The following PRIM2 variants were observed in gnomAD, a reference collection of about 807,000 sequenced individuals.
PRIM2 encodes DNA primase large subunit.
PRIM2 carries 39 observed loss-of-function variants against 67.3 expected under a neutral mutation model. That is an observed-to-expected ratio of 0.58 (90% CI 0.45 to 0.76). The LOEUF (loss-of-function observed/expected upper bound fraction) is 0.76, where lower values mean the gene tolerates loss of function less well. Among genes scored for constraint, PRIM2 ranks in the 30% least tolerant of loss-of-function variants. The probability of loss-of-function intolerance (pLI) is 0.00; values close to 1 mark genes in which losing one functional copy is unlikely to be tolerated. For missense variants in PRIM2, 398 were observed against 598.7 expected, an observed-to-expected ratio of 0.66 and a Z score of 3.50; for synonymous variants, 143 against 198.7, an observed-to-expected ratio of 0.72 and a Z score of 2.36.
the PRIM2 span, among the ~76,000 whole-genome samples, chr6:57,289,251 G>A: frequency 6.6e-6 from 1 of 152,110 alleles, no homozygotes. Flanking sequence ...GAGAAGATTA[G>A]AGAAAAAAGA....
At chr6:57,529,167 G>A (rs1774831262) in intron 8 of PRIM2, among the ~76,000 whole-genome samples, 2 of 152,180 alleles carry the variant, frequency 1.3e-5, no homozygotes, top group South Asian at 2.1e-4. Context: ...AAAATTAGCC[G>A]GTCGTGGTGG....
chr6:57,420,266 A>C (rs1771422835), intron 7 of PRIM2, among the ~76,000 whole-genome samples: 1 of 152,156 alleles, frequency 6.6e-6, no homozygotes, highest in African/African-American at 2.4e-5. Context: ...GCACTTTGGG[A>C]GGCCAAGGCG....
At chr6:57,265,856 A>G in the PRIM2 span, among the ~76,000 whole-genome samples, 1 of 152,146 alleles carries the variant, frequency 6.6e-6, no homozygotes, top group Non-Finnish European at 1.5e-5. Context: ...TTTTTCCTCA[A>G]TTGACTTTCC....
intron 7 of PRIM2, among the ~76,000 whole-genome samples, chr6:57,462,322 T>G (rs1273773710): frequency 6.6e-6 from 1 of 151,988 alleles, no homozygotes. Context: ...GAATAATTTG[T>G]TAGCATTTTC....
At chr6:57,275,769 T>C in the PRIM2 span, among the ~76,000 whole-genome samples, 2 of 152,238 alleles carry the variant, frequency 1.3e-5, no homozygotes, top group Non-Finnish European at 2.9e-5. Context: ...GTGCTGGCTC[T>C]GTTGGAGTCC....
upstream of PRIM2, among the ~76,000 whole-genome samples, chr6:57,311,025 G>A (rs1767372496): frequency 6.7e-6 from 1 of 149,278 alleles, no homozygotes; most frequent in Non-Finnish European, 1.5e-5. Flanking sequence ...AGGCGGCCGG[G>A]CAGAGACACC....
In PRIM2 at chr6:57,374,812, C is replaced by T. The variant is rs144239930; in HGVS notation, c.460-5089C>T. On this transcript the variant is annotated intron_variant, in intron 5 of 13. Transcript: ENST00000615550. ...CGCCGTGTTGGGCAGTCATGAACTC[C>T]TGACCTGAGGTGGTTCACCTGCCTC... Among the ~76,000 whole-genome samples the T allele has an allele frequency of 2.0e-3, 299 of 152,268 alleles. 1 individual carries two copies. In the East Asian group the frequency reaches 0.05, roughly 25 times the overall value.
intron 10 of PRIM2, among the ~76,000 whole-genome samples, chr6:57,556,906 A>G (rs1378826246): frequency 6.6e-6 from 1 of 150,494 alleles, no homozygotes; most frequent in East Asian, 1.9e-4. Flanking sequence ...TCCAGCATCT[A>G]TAAGGAACTT....
intron 10 of PRIM2, among the ~76,000 whole-genome samples, chr6:57,558,211 T>TATA (rs1317374029): frequency 3.3e-5 from 5 of 152,220 alleles, no homozygotes; most frequent in Non-Finnish European, 5.9e-5. Context: ...TTGTGCTTAT[T>TATA]AGCACAGTGT....
At chr6:57,540,606 T>G (rs1394204297) in intron 10 of PRIM2, among the ~76,000 whole-genome samples, 5 of 152,142 alleles carry the variant, frequency 3.3e-5, no homozygotes, top group African/African-American at 1.2e-4. Context: ...ATTAAGTATA[T>G]ATGAATGTAT....
At chr6:57,455,212 G>A (rs1266410957) in intron 7 of PRIM2, among the ~76,000 whole-genome samples, 11 of 152,074 alleles carry the variant, frequency 7.2e-5, no homozygotes, top group Non-Finnish European at 1.5e-4. Context: ...CCAACTATGT[G>A]GTCCATTTTG....
the PRIM2 span, among the ~76,000 whole-genome samples, chr6:57,224,479 C>G: frequency 6.6e-6 from 1 of 152,058 alleles, no homozygotes; most frequent in Non-Finnish European, 1.5e-5. Context: ...GTCTACAGTT[C>G]TAGCTTTGCA....
chr6:57,475,744 A>G (rs1773462482), intron 7 of PRIM2, among the ~76,000 whole-genome samples: 1 of 152,230 alleles, frequency 6.6e-6, no homozygotes, highest in African/African-American at 2.4e-5. Flanking sequence ...GTAAAATGGA[A>G]CTATTCATTC....
the PRIM2 span, among the ~76,000 whole-genome samples, chr6:57,276,738 A>G: frequency 6.6e-6 from 1 of 151,886 alleles, no homozygotes; most frequent in Non-Finnish European, 1.5e-5. Context: ...AAAAAAAGAA[A>G]ATAGAAAAAA....
chr6:57,449,705 A>T (rs535445360), intron 7 of PRIM2, among the ~76,000 whole-genome samples: 2 of 152,198 alleles, frequency 1.3e-5, no homozygotes, highest in East Asian at 3.8e-4. Flanking sequence ...AGTACTATAG[A>T]TTAAATGTGT....
At chr6:57,293,796 T>C in the PRIM2 span, among the ~76,000 whole-genome samples, 115 of 118,862 alleles carry the variant, frequency 9.7e-4, 1 homozygote, top group African/African-American at 3.6e-3. Flanking sequence ...TGAGAACAAA[T>C]GGACACAGGG....
chr6:57,260,499 A>T, the PRIM2 span, among the ~76,000 whole-genome samples: 2 of 152,340 alleles, frequency 1.3e-5, no homozygotes. Flanking sequence ...ACATATCAGC[A>T]ATTTATTTCA....
intron 10 of PRIM2, among the ~76,000 whole-genome samples, chr6:57,594,501 A>G (rs1371356134): frequency 6.6e-6 from 1 of 152,232 alleles, no homozygotes; most frequent in East Asian, 1.9e-4. Flanking sequence ...AGTCAGATCC[A>G]GTTCCAAATA....
intron 5 of PRIM2, among the ~76,000 whole-genome samples, chr6:57,347,675 C>T (rs1768723925): frequency 6.6e-6 from 1 of 152,176 alleles, no homozygotes; most frequent in African/African-American, 2.4e-5. Flanking sequence ...AACTTCAGGC[C>T]TTAAGTGATC....
Sources: allele counts gnomAD v4.1 joint callset (sites outside exome capture counted in the v4.1 genomes callset), GRCh38; gene constraint gnomAD v4.1.1; transcripts MANE v1.5; gene names NCBI Gene and HGNC (gene_info 2026-07-23, HGNC 2026-07-21).